PRUNE2: variants seen among roughly 807,000 people sequenced by gnomAD.
PRUNE2 encodes the protein prune homolog 2 with BCH domain, also known as protein prune homolog 2.
In PRUNE2, 164 loss-of-function variants were observed where a neutral mutation model predicts 252.0. The ratio of observed to expected loss-of-function variants is 0.65; its 90% CI spans 0.57 to 0.74. The LOEUF (loss-of-function observed/expected upper bound fraction) is 0.74, where lower values mean the gene tolerates loss of function less well. Ranked by LOEUF, PRUNE2 falls within the 30% of genes least tolerant of loss-of-function variation. The probability of loss-of-function intolerance (pLI) is 0.00; values close to 1 mark genes in which losing one functional copy is unlikely to be tolerated. For synonymous variants in PRUNE2, 1,292 were observed against 1,350.2 expected (o/e 0.96, Z 0.94); for missense variants, 3,495 against 3,711.0 (o/e 0.94, Z 1.51).
intron 9 of PRUNE2, among the ~76,000 whole-genome samples, chr9:76,679,329 A>T (rs1014151306): frequency 1.3e-5 from 2 of 152,182 alleles, no homozygotes; most frequent in Non-Finnish European, 2.9e-5. Context: ...TTCCAATGGA[A>T]TTTTTTGAAA....
chr9:76,809,361 G>T (rs2057200419), intron 6 of PRUNE2, among the ~76,000 whole-genome samples: 1 of 152,152 alleles, frequency 6.6e-6, no homozygotes, highest in South Asian at 2.1e-4. Flanking sequence ...TGCATGATGA[G>T]AAATTACTTA....
intron 9 of PRUNE2, among the ~76,000 whole-genome samples, chr9:76,678,265 T>A (rs2042955829): frequency 7.3e-6 from 1 of 136,904 alleles, no homozygotes; most frequent in African/African-American, 2.8e-5. Context: ...GACAGGAGAA[T>A]CGCCTGAACC....
chr9:76,900,555 T>C (rs2063109302), intron 1 of PRUNE2, among the ~76,000 whole-genome samples: 1 of 152,156 alleles, frequency 6.6e-6, no homozygotes, highest in Non-Finnish European at 1.5e-5. Flanking sequence ...CTATACAAAC[T>C]CAGAGGGCAC....
chr9:76,874,903 T>C (rs535711655), intron 1 of PRUNE2, among the ~76,000 whole-genome samples: 1 of 152,324 alleles, frequency 6.6e-6, no homozygotes, highest in South Asian at 2.1e-4. Flanking sequence ...GAGTCAACAA[T>C]AAAATGTCAG....
rs970283222 is a variant in PRUNE2, at chr9:76,612,722, G to A, written c.*1848C>T. The A allele has an allele frequency of 1.3e-5, 2 of 152,378 alleles. No individual in the cohort carries two copies. Among genetic ancestry groups the A allele is most frequent in the African/African-American group, 4.8e-5 (2 of 41,438 alleles). The allele number at this position is 152,378 out of a possible 1,614,324, so 9.4% of individuals were successfully genotyped here. A position where few individuals can be genotyped will look rare whatever the true frequency, so the allele number is the denominator to read the frequency against. ...AAAGAGAAAACGATGGAGGCTTATG[G>A]AGGAAAGAGGGCTGAACTGCGTGTG... On this transcript the variant is annotated 3_prime_UTR_variant, in exon 19 of 19. Coordinates refer to ENST00000376718, the MANE Select transcript of PRUNE2 (RefSeq NM_015225.3).
At chr9:76,729,584 G>C (rs1011392091) in intron 6 of PRUNE2, among the ~76,000 whole-genome samples, 3 of 151,974 alleles carry the variant, frequency 2.0e-5, no homozygotes, top group Non-Finnish European at 2.9e-5. Flanking sequence ...TTTTATATTA[G>C]CTGATATGAT....
At chr9:76,807,032 G>A (rs1441919850) in intron 6 of PRUNE2, among the ~76,000 whole-genome samples, 1 of 146,112 alleles carries the variant, frequency 6.8e-6, no homozygotes, top group Non-Finnish European at 1.5e-5. Context: ...GTGTGTGTGT[G>A]TGTGTGTGTG....
intron 1 of PRUNE2, among the ~76,000 whole-genome samples, chr9:76,887,875 G>A (rs544401459): frequency 6.6e-6 from 1 of 152,130 alleles, no homozygotes; most frequent in Admixed American, 6.5e-5. Context: ...ATAACCTAGT[G>A]AAAGACAGTT....
intron 16 of PRUNE2, among the ~76,000 whole-genome samples, chr9:76,625,497 G>C (rs575867281): frequency 1.3e-5 from 2 of 152,232 alleles, no homozygotes; most frequent in East Asian, 3.9e-4. Flanking sequence ...CTGTCATTAG[G>C]TGATGTATGA....
chr9:76,789,261 C>A (rs2055325142), intron 6 of PRUNE2, among the ~76,000 whole-genome samples: 1 of 152,172 alleles, frequency 6.6e-6, no homozygotes, highest in African/African-American at 2.4e-5. Context: ...ATCCACTGAC[C>A]TTTCAAACAT....
At chr9:76,761,084 T>C (rs1162517997) in intron 6 of PRUNE2, among the ~76,000 whole-genome samples, 4 of 55,856 alleles carry the variant, frequency 7.2e-5, no homozygotes, top group Admixed American at 5.9e-4. Flanking sequence ...AGACTCTGTC[T>C]CAAAAAAAAA....
intron 6 of PRUNE2, among the ~76,000 whole-genome samples, chr9:76,816,913 T>C (rs2057730706): frequency 6.6e-6 from 1 of 152,220 alleles, no homozygotes. Context: ...AATCCTTCTT[T>C]CCATAATCCT....
intron 6 of PRUNE2, among the ~76,000 whole-genome samples, chr9:76,781,001 T>C (rs765857962): frequency 4.6e-5 from 7 of 152,302 alleles, no homozygotes; most frequent in East Asian, 1.9e-4. Flanking sequence ...CATTTTTTCC[T>C]CCCTAGTCCC....
intron 4 of PRUNE2, among the ~76,000 whole-genome samples, chr9:76,830,674 A>T (rs1388382703): frequency 6.6e-6 from 1 of 151,796 alleles, no homozygotes; most frequent in East Asian, 1.9e-4. Flanking sequence ...AGAAAAAAAA[A>T]AAAAGAAAAA....
intron 6 of PRUNE2, among the ~76,000 whole-genome samples, chr9:76,810,648 A>C (rs892922509): frequency 6.6e-6 from 1 of 152,212 alleles, no homozygotes; most frequent in African/African-American, 2.4e-5. Flanking sequence ...TGTCTATCCT[A>C]CACAGTAACT....
chr9:76,636,077 G>A (rs1839942552), intron 15 of PRUNE2, among the ~76,000 whole-genome samples: 1 of 152,146 alleles, frequency 6.6e-6, no homozygotes, highest in African/African-American at 2.4e-5. Context: ...GACATGATAT[G>A]GCTTCTGTTT....
chr9:76,738,538 T>C (rs140220320), intron 6 of PRUNE2: 1 of 152,324 alleles, frequency 6.6e-6, no homozygotes, highest in African/African-American at 2.4e-5. Flanking sequence ...AGATTTATCT[T>C]CGGGCTGGTA....
chr9:76,872,005 G>A (rs1276901711), intron 1 of PRUNE2, among the ~76,000 whole-genome samples: 4 of 152,116 alleles, frequency 2.6e-5, no homozygotes, highest in African/African-American at 9.7e-5. Context: ...CATTTATACA[G>A]GTGACCACAA....
chr9:76,772,977 G>A (rs1170418986), intron 6 of PRUNE2, among the ~76,000 whole-genome samples: 1 of 152,176 alleles, frequency 6.6e-6, no homozygotes, highest in Non-Finnish European at 1.5e-5. Context: ...CCTTCAACAG[G>A]AAAAATGTAT....
Sources: gnomAD v4.1 joint callset for allele counts (sites outside exome capture counted in the v4.1 genomes callset) on GRCh38, gnomAD v4.1.1 for gene constraint, MANE v1.5 for transcripts, NCBI Gene and HGNC (gene_info 2026-07-23, HGNC 2026-07-21) for gene names.